EXTL2: variants seen among roughly 807,000 people sequenced by gnomAD.
The protein encoded by EXTL2 is exostosin-like 2.
EXTL2 carries 23 observed loss-of-function variants against 30.7 expected under a neutral mutation model. The observed-to-expected ratio is 0.75, with a 90% CI of 0.54 to 1.06. The LOEUF is 1.06. Among genes scored for constraint, EXTL2 ranks in the 50% least tolerant of loss-of-function variants. EXTL2 has a pLI of 0.00. For synonymous variants in EXTL2, 123 were observed against 133.8 expected (o/e 0.92, Z 0.56); for missense variants, 352 against 396.3 (o/e 0.89, Z 0.95).
intron 1 of EXTL2, 92 bp from the exon 2 acceptor site, chr1:100,888,920 T>C (rs781142215): frequency 8.2e-5 from 40 of 487,402 alleles, no homozygotes; most frequent in Middle Eastern, 6.6e-4. Context: ...TTCAATGCCA[T>C]TGTCCATAAG....
At chr1:100,886,196 CTT>C (rs1649953925) in intron 2 of EXTL2, among the ~76,000 whole-genome samples, 1 of 152,146 alleles carries the variant, frequency 6.6e-6, no homozygotes. Flanking sequence ...CAATTTAAAC[CTT>C]GTTATTTAGA....
rs41287274 is a variant in EXTL2, at chr1:100,878,613, C to T, written c.6-710G>A. ...AAGAATAAATCAGAATAAGCAAGGG[C>T]CAGATTATGTGGGACCTCTGACCCT... On this transcript the variant is annotated intron_variant, in intron 2 of 4. Coordinates refer to ENST00000370114, the MANE Select transcript of EXTL2 (RefSeq NM_001033025.3). Among the ~76,000 whole-genome samples, 987 of 152,102 alleles carry T rather than the reference C, an allele frequency of 6.5e-3. 7 individuals are homozygous for T. Among genetic ancestry groups the T allele is most frequent in the Non-Finnish European group, 0.011 (732 of 67,982 alleles).
At chr1:100,885,510 T>C (rs922947513) in intron 2 of EXTL2, 1 of 152,208 alleles carries the variant, frequency 6.6e-6, no homozygotes, top group African/African-American at 2.4e-5. Flanking sequence ...ACTACAGACT[T>C]CATGACAATT....
chr1:100,873,837 T>C lies in EXTL2; in HGVS notation c.*105A>G, dbSNP rs1354677874. ...GCACTTTTTTTTCTATTGTAGAGAC[T>C]TCTGGAGTAGATAAAATTCATGATG... On this transcript the variant is annotated 3_prime_UTR_variant, in exon 5 of 5. Coordinates refer to ENST00000370114, the MANE Select transcript of EXTL2 (RefSeq NM_001033025.3). 27 of 1,197,570 alleles carry C rather than the reference T, an allele frequency of 2.3e-5. No individual in the cohort carries two copies. The highest frequency in any genetic ancestry group is 3.0e-5 in the Non-Finnish European group (26 of 856,410). 74.2% of individuals were successfully genotyped at this position (1,197,570 alleles called of 1,614,324 possible).
chr1:100,884,980 T>G (rs991482687), intron 2 of EXTL2, among the ~76,000 whole-genome samples: 2 of 152,220 alleles, frequency 1.3e-5, no homozygotes. Context: ...TAAATGTCAA[T>G]GAATGCCTGA....
chr1:100,888,735 A>G lies in EXTL2; in HGVS notation c.5+18T>C. 2.7e-6 allele frequency: 4 copies of G among 1,482,118 alleles called. No individual in the cohort carries two copies. The highest frequency in any genetic ancestry group is 3.7e-6 in the Non-Finnish European group (4 of 1,073,018). 91.8% of individuals were successfully genotyped at this position (1,482,118 alleles called of 1,614,324 possible). ...TTTTACAACAGTTAAACAAAAGCCA[A>G]AAAATATTGGTACTTACCTCATTGT... is the stretch of plus-strand genomic sequence containing the variant. On this transcript the variant is annotated intron_variant, in intron 2 of 4. Coordinates refer to ENST00000370114, the MANE Select transcript of EXTL2 (RefSeq NM_001033025.3).
intron 1 of EXTL2, among the ~76,000 whole-genome samples, chr1:100,894,139 T>C (rs1022238047): frequency 4.0e-5 from 6 of 151,780 alleles, no homozygotes; most frequent in Non-Finnish European, 7.3e-5. Context: ...TGAAATTTAA[T>C]TATTTCTATT....
intron 2 of EXTL2, among the ~76,000 whole-genome samples, chr1:100,881,514 C>T (rs1337578635): frequency 2.0e-5 from 3 of 152,190 alleles, no homozygotes; most frequent in Admixed American, 2.0e-4. Flanking sequence ...TAAACTTTCC[C>T]TTTTAGGTTT....
intron 4 of EXTL2, among the ~76,000 whole-genome samples, 183 bp downstream of exon 4, chr1:100,876,611 T>A (rs1361800689): frequency 6.6e-6 from 1 of 152,080 alleles, no homozygotes; most frequent in East Asian, 1.9e-4. Context: ...AAAGATACTA[T>A]AACTTTCAGG....
rs1275766980 is a variant in EXTL2 at position 100,874,198 on chromosome 1, A to G, written c.737T>C (p.Ile246Thr). The G allele has an allele frequency of 1.2e-6, 2 of 1,612,896 alleles. No homozygotes were observed. Among genetic ancestry groups the G allele is most frequent in the Non-Finnish European group, 1.7e-6 (2 of 1,179,488 alleles). ...LIDDTQNCDDIAMNFIIAKHI... is the reference protein window; with the variant it reads ...LIDDTQNCDDTAMNFIIAKHI... ...CTTGGCAATGATAAAATTCATGGCA[A>G]TATCATCACAGTTTTGAGTATCATC... is the stretch of plus-strand genomic sequence containing the variant. The change falls in exon 5 of 5, where the codon ATT (isoleucine) becomes ACT (threonine). Residue 246 changes from isoleucine (I) to threonine (T), a missense_variant. Physicochemically the swap from Ile to Thr is moderately conservative, Grantham distance 89 (BLOSUM62 -1). Transcript: ENST00000370114.
chr1:100,890,329 A>G (rs1282016114), intron 1 of EXTL2, among the ~76,000 whole-genome samples: 2 of 152,196 alleles, frequency 1.3e-5, no homozygotes, highest in African/African-American at 4.8e-5. Flanking sequence ...CCAGCCCATG[A>G]AACCATTTTT....
Position 100,873,817 on chromosome 1 carries a change from T to G in EXTL2, c.*125A>C. 9.7e-7 allele frequency: 1 copy of G among 1,033,266 alleles called. No individual in the cohort carries two copies. The highest frequency in any genetic ancestry group is 1.9e-5 in the South Asian group (1 of 51,568). The allele number at this position is 1,033,266 out of a possible 1,614,324, so 64.0% of individuals were successfully genotyped here. ...TTTTATATCCTAGAAGCACTGCACTTTTTTTTCTATTGTAGAGACTTCTGG... is the reference window on the plus strand; with the variant it reads ...TTTTATATCCTAGAAGCACTGCACTGTTTTTTCTATTGTAGAGACTTCTGG... On this transcript the variant is annotated 3_prime_UTR_variant, in exon 5 of 5. Coordinates refer to ENST00000370114, the MANE Select transcript of EXTL2 (RefSeq NM_001033025.3).
intron 2 of EXTL2, among the ~76,000 whole-genome samples, chr1:100,879,404 G>T (rs1307072481): frequency 6.6e-6 from 1 of 151,998 alleles, no homozygotes; most frequent in Admixed American, 6.6e-5. Flanking sequence ...TGAGGAAAAT[G>T]AACTATTCAA....
At chr1:100,886,908 C>T (rs935960689) in intron 2 of EXTL2, among the ~76,000 whole-genome samples, 17 of 152,248 alleles carry the variant, frequency 1.1e-4, no homozygotes, top group African/African-American at 4.1e-4. Context: ...TGACCAATTC[C>T]ATGGACATAT....
At chr1:100,888,871 G>T (rs1570474021) in intron 1 of EXTL2, 43 bp from the exon 2 acceptor site, 2 of 701,748 alleles carry the variant, frequency 2.9e-6, no homozygotes, top group East Asian at 2.7e-5. Context: ...GTTTCTGTCA[G>T]TCAGCAGGAA....
intron 2 of EXTL2, among the ~76,000 whole-genome samples, chr1:100,887,072 G>C (rs1208366064): frequency 6.6e-6 from 1 of 152,058 alleles, no homozygotes; most frequent in African/African-American, 2.4e-5. Flanking sequence ...TCTAGAAATG[G>C]GTCAAAAAGA....
chr1:100,887,106 G>C (rs1650028418), intron 2 of EXTL2, among the ~76,000 whole-genome samples: 1 of 152,146 alleles, frequency 6.6e-6, no homozygotes, highest in Non-Finnish European at 1.5e-5. Flanking sequence ...TGCAAATATT[G>C]TACATTTACC....
chr1:100,878,253 A>AG, intron 2 of EXTL2: 3 of 312,234 alleles, frequency 9.6e-6, no homozygotes, highest in South Asian at 2.9e-5. Flanking sequence ...ATTAATTTCG[A>AG]ATCTACACTT....
intron 2 of EXTL2, among the ~76,000 whole-genome samples, chr1:100,881,209 T>C (rs1649526988): frequency 6.7e-6 from 1 of 149,070 alleles, no homozygotes; most frequent in Admixed American, 6.6e-5. Flanking sequence ...TTATAGACTG[T>C]AGTGCAAGTG....
Sources: allele counts gnomAD v4.1 joint callset (sites outside exome capture counted in the v4.1 genomes callset), GRCh38; gene constraint gnomAD v4.1.1; transcripts MANE v1.5; gene names NCBI Gene and HGNC (gene_info 2026-07-23, HGNC 2026-07-21).